CAMTA1: variants seen among roughly 807,000 people sequenced by gnomAD.
CAMTA1 encodes calmodulin binding transcription activator 1.
In CAMTA1, 27 loss-of-function variants were observed where a neutral mutation model predicts 170.9. That is an observed-to-expected ratio of 0.16 (90% CI 0.12 to 0.22). The LOEUF (loss-of-function observed/expected upper bound fraction) is 0.22. Among genes scored for constraint, CAMTA1 ranks in the 10% least tolerant of loss-of-function variants. The pLI is 1.00. For synonymous variants in CAMTA1, 833 were observed against 891.5 expected (o/e 0.93, Z 1.17); for missense variants, 1,619 against 2,217.2 (o/e 0.73, Z 5.42).
At chr1:7,612,708 T>C (rs1049328676) in intron 6 of CAMTA1, among the ~76,000 whole-genome samples, 1 of 152,232 alleles carries the variant, frequency 6.6e-6, no homozygotes, top group Non-Finnish European at 1.5e-5. Flanking sequence ...ACAGCCATTC[T>C]GACATTTCAG....
rs763668454 is a variant in CAMTA1, at chr1:7,463,316, A to T, written c.439-4514A>T. ...GTGTGTGTCAGACACAGAGACAGGGACAGGCAAGGGAAACAGAGACAGGGA... is the reference window on the plus strand; with the variant it reads ...GTGTGTGTCAGACACAGAGACAGGGTCAGGCAAGGGAAACAGAGACAGGGA... On this transcript the variant is annotated intron_variant, in intron 5 of 22. Transcript: ENST00000303635. The surrounding 1 kb of genome is among the most constrained non-coding windows in gnomAD (Gnocchi z 4.7). Among the ~76,000 whole-genome samples, 2 of 152,154 alleles carry T rather than the reference A, an allele frequency of 1.3e-5. No individual in the cohort carries two copies. The highest frequency in any genetic ancestry group is 2.9e-5 in the Non-Finnish European group (2 of 68,026).
intron 3 of CAMTA1, among the ~76,000 whole-genome samples, chr1:7,066,673 G>T (rs974695538): frequency 2.6e-5 from 4 of 152,178 alleles, no homozygotes; most frequent in Admixed American, 2.6e-4. Flanking sequence ...CCATTTGTCT[G>T]TTAAGTAAAC....
Position 7,320,519 on chromosome 1 carries a change from C to T in CAMTA1, c.438+70893C>T, listed in dbSNP as rs115177970. Among the ~76,000 whole-genome samples, 826 of 152,252 alleles carry T rather than the reference C, an allele frequency of 5.4e-3. 10 individuals carry two copies. Among genetic ancestry groups the T allele is most frequent in the African/African-American group, 0.019 (788 of 41,534 alleles). On this transcript the variant is annotated intron_variant, in intron 5 of 22. Transcript: ENST00000303635. ...CTTACCATAGTCGATAGGCATCTTT[C>T]AGGATCCATCTGGTTTCTGCAGGGT...
At chr1:7,159,588 G>A (rs1435401960) in intron 4 of CAMTA1, among the ~76,000 whole-genome samples, 1 of 152,070 alleles carries the variant, frequency 6.6e-6, no homozygotes, top group Non-Finnish European at 1.5e-5. Context: ...CTGTCACCCA[G>A]GCTGAAGTGC....
intron 4 of CAMTA1, among the ~76,000 whole-genome samples, chr1:7,200,010 A>T (rs1320656758): frequency 6.6e-6 from 1 of 152,228 alleles, no homozygotes; most frequent in Non-Finnish European, 1.5e-5. Context: ...ATGACATTGT[A>T]CTGCAAGCAT....
intron 16 of CAMTA1, among the ~76,000 whole-genome samples, chr1:7,743,416 A>G (rs2096832589): frequency 6.6e-6 from 1 of 152,118 alleles, no homozygotes; most frequent in African/African-American, 2.4e-5. Context: ...CTGAGCAACC[A>G]TCACCATAGT....
At chr1:7,614,917 G>C (rs2095549231) in intron 6 of CAMTA1, among the ~76,000 whole-genome samples, 3 of 152,170 alleles carry the variant, frequency 2.0e-5, no homozygotes, top group South Asian at 4.1e-4. Context: ...GGGTACAGGG[G>C]TCTCCTGTTC....
rs1443144314 is a variant in CAMTA1, at chr1:7,441,942, G to T, written c.439-25888G>T. The stretch of plus-strand genomic sequence containing the variant: ...TGGGTGGAATCAAGGTGCAAAGGAG[G>T]CCTCGATTCCGGCGGTTTCAGAGGG... On this transcript the variant is annotated intron_variant, in intron 5 of 22. Transcript: ENST00000303635. Among the ~76,000 whole-genome samples, 9 of 152,260 alleles carry T rather than the reference G, an allele frequency of 5.9e-5. No homozygotes were observed. In the East Asian group the frequency reaches 7.7e-4, roughly 13 times the overall value.
chr1:7,509,963 A>G (rs2094178706), intron 6 of CAMTA1, among the ~76,000 whole-genome samples: 1 of 151,572 alleles, frequency 6.6e-6, no homozygotes, highest in South Asian at 2.1e-4. Context: ...CTCAGTGACC[A>G]CAACCTCTGT....
chr1:7,260,712 G>C (rs1265806140), intron 5 of CAMTA1, among the ~76,000 whole-genome samples: 1 of 152,188 alleles, frequency 6.6e-6, no homozygotes, highest in East Asian at 1.9e-4. Context: ...TATGTTGCTG[G>C]ATGCAACAGA....
At chr1:7,262,801 T>G (rs1668366738) in intron 5 of CAMTA1, among the ~76,000 whole-genome samples, 1 of 152,220 alleles carries the variant, frequency 6.6e-6, no homozygotes, top group Admixed American at 6.5e-5. Flanking sequence ...GTGTGTTTCC[T>G]GAATGACTGA....
At position 7,704,608 on chromosome 1, in the gene CAMTA1, C is replaced by T. The variant is rs1427486109; in HGVS notation, c.2914+26875C>T. On this transcript the variant is annotated intron_variant, in intron 11 of 22. Transcript: ENST00000303635. Reference sequence around the variant, plus strand: ...GCCCCGCACCAGCCTCTGCCCGGCTCCGGGTGACGTCGCATCCTCCGATTG... The same window carrying T: ...GCCCCGCACCAGCCTCTGCCCGGCTTCGGGTGACGTCGCATCCTCCGATTG... Among the ~76,000 whole-genome samples the T allele has an allele frequency of 1.9e-4, 29 of 149,026 alleles. 2 individuals are homozygous for T. The South Asian group carries it at 5.6e-3, about 29-fold the overall frequency.
Position 7,640,429 on chromosome 1 carries a change from G to A in CAMTA1, c.540G>A (p.Leu180=), listed in dbSNP as rs774544631. The A allele has an allele frequency of 1.9e-6, 3 of 1,614,032 alleles. No homozygotes were observed. The East Asian group carries it at 6.7e-5, about 36-fold the overall frequency. ...CCGACATCGTCCTGGTGCACTACCTGAACGTGCCGGCCATCGAGGACTGCG... is the reference window on the plus strand; with the variant it reads ...CCGACATCGTCCTGGTGCACTACCTAAACGTGCCGGCCATCGAGGACTGCG... ...QNPDIVLVHY[L]NVPAIEDCGK... is the part of the protein sequence containing the mutation. Residue 180 remains leucine (L), a synonymous_variant, in exon 7 of 23, where the codon CTG becomes CTA. Transcript: ENST00000303635.
At position 7,637,633 on chromosome 1, in the gene CAMTA1, G is replaced by A. The variant is rs546400249; in HGVS notation, c.511-2767G>A. Among the ~76,000 whole-genome samples the A allele has an allele frequency of 3.3e-5, 5 of 152,314 alleles. No homozygotes were observed. The South Asian group carries it at 1.0e-3, about 32-fold the overall frequency. ...GGAGATGAGACAGTACTTAGGCCAA[G>A]CAAAAAGAGAGGCCAGCAGATGTCC... On this transcript the variant is annotated intron_variant, in intron 6 of 22. Transcript: ENST00000303635.
At chr1:7,147,031 TCATA>T (rs935254619) in intron 4 of CAMTA1, among the ~76,000 whole-genome samples, 3 of 148,448 alleles carry the variant, frequency 2.0e-5, no homozygotes, top group Admixed American at 6.7e-5. Context: ...GCACACACAC[TCATA>T]CACTTTGCAC....
intron 5 of CAMTA1, among the ~76,000 whole-genome samples, chr1:7,312,941 A>T (rs1676956986): frequency 6.6e-6 from 1 of 151,588 alleles, no homozygotes; most frequent in Non-Finnish European, 1.5e-5. Context: ...TGGCTCCATG[A>T]CATTTTCTTG....
At chr1:6,905,198 T>C (rs1678141035) in intron 3 of CAMTA1, among the ~76,000 whole-genome samples, 3 of 148,440 alleles carry the variant, frequency 2.0e-5, no homozygotes, top group Non-Finnish European at 4.5e-5. Flanking sequence ...CTTTTTTTTT[T>C]TTTTTTTTTT....
chr1:7,035,273 G>A lies in CAMTA1; in HGVS notation c.235-56031G>A, dbSNP rs865866527. ...AAATAAGCCGGGTGTGGTGGCACGC[G>A]CCTGTAATCTCAGCTACTTGGGAGG... On this transcript the variant is annotated intron_variant, in intron 3 of 22. Coordinates refer to ENST00000303635, the MANE Select transcript of CAMTA1 (RefSeq NM_015215.4). Among the ~76,000 whole-genome samples the A allele has an allele frequency of 5.3e-5, 8 of 151,906 alleles. 1 individual carries two copies. Among genetic ancestry groups the A allele is most frequent in the South Asian group, 4.1e-4 (2 of 4,826 alleles).
Position 7,187,099 on chromosome 1 carries a change from G to A in CAMTA1, c.303-62392G>A, listed in dbSNP as rs1262887726. Among the ~76,000 whole-genome samples the A allele has an allele frequency of 2.0e-5, 3 of 152,278 alleles. No individual in the cohort carries two copies. In the East Asian group the frequency reaches 5.8e-4, roughly 29 times the overall value. On this transcript the variant is annotated intron_variant, in intron 4 of 22. Coordinates refer to ENST00000303635, the MANE Select transcript of CAMTA1 (RefSeq NM_015215.4). ...GGGCAGTGAAGCCATGCTGGTCACT[G>A]TCCTGACAGTATGAGAGAGTGGCTG... is the stretch of plus-strand genomic sequence containing the variant.
Sources: gnomAD v4.1 joint callset for allele counts (sites outside exome capture counted in the v4.1 genomes callset) on GRCh38, gnomAD v4.1.1 for gene constraint, Gnocchi (gnomAD v3.1) non-coding constraint, MANE v1.5 for transcripts, NCBI Gene and HGNC (gene_info 2026-07-23, HGNC 2026-07-21) for gene names.